Variants in KDM4C observed in about 807,000 individuals in gnomAD.
KDM4C encodes lysine-specific demethylase 4C.
Under a neutral mutation model 129.3 loss-of-function variants are expected in KDM4C, and 81 were observed. The ratio of observed to expected loss-of-function variants is 0.63; its 90% CI spans 0.52 to 0.75. The LOEUF is 0.75. Among genes scored for constraint, KDM4C ranks in the 30% least tolerant of loss-of-function variants. The pLI, the probability that KDM4C is intolerant of heterozygous loss-of-function variation, is 0.00. For missense variants in KDM4C, 1,457 were observed against 1,304.0 expected, an observed-to-expected ratio of 1.12 and a Z score of -1.81; for synonymous variants, 573 against 456.1, an observed-to-expected ratio of 1.26 and a Z score of -3.26.
chr9:7,056,587 C>T (rs1385299280), intron 17 of KDM4C, among the ~76,000 whole-genome samples: 1 of 152,148 alleles, frequency 6.6e-6, no homozygotes, highest in African/African-American at 2.4e-5. Flanking sequence ...TATCTTGTTA[C>T]TATGGATTTT....
intron 15 of KDM4C, among the ~76,000 whole-genome samples, chr9:7,029,646 T>G (rs917621538): frequency 6.6e-6 from 1 of 152,124 alleles, no homozygotes; most frequent in Non-Finnish European, 1.5e-5. Context: ...ATTTTTTAAT[T>G]TGGGGGACAG....
chr9:7,056,406 C>A (rs1403644164), intron 17 of KDM4C, among the ~76,000 whole-genome samples: 1 of 151,184 alleles, frequency 6.6e-6, no homozygotes, highest in African/African-American at 2.4e-5. Context: ...GAATGATTTG[C>A]TACAGGGACT....
chr9:6,803,056 A>C (rs1564043928), intron 2 of KDM4C, among the ~76,000 whole-genome samples: 1 of 152,228 alleles, frequency 6.6e-6, no homozygotes, highest in Non-Finnish European at 1.5e-5. Flanking sequence ...CCCAGCAATG[A>C]AGTCATTGCC....
intron 17 of KDM4C, among the ~76,000 whole-genome samples, chr9:7,080,483 C>G (rs1834403430): frequency 6.6e-6 from 1 of 152,142 alleles, no homozygotes; most frequent in Non-Finnish European, 1.5e-5. Flanking sequence ...GATTGTTTCT[C>G]TTAGAATTCA....
intron 17 of KDM4C, among the ~76,000 whole-genome samples, chr9:7,060,066 A>G (rs748681523): frequency 2.6e-5 from 4 of 152,150 alleles, no homozygotes; most frequent in Non-Finnish European, 4.4e-5. Context: ...TCTTCAATCC[A>G]GTGTTCTCAC....
At chr9:6,887,548 A>G (rs570476361) in intron 6 of KDM4C, among the ~76,000 whole-genome samples, 1 of 152,318 alleles carries the variant, frequency 6.6e-6, no homozygotes, top group South Asian at 2.1e-4. Flanking sequence ...TGCTTCAGGA[A>G]TGCATACTTA....
intron 1 of KDM4C, among the ~76,000 whole-genome samples, chr9:6,735,694 T>C (rs1429864814): frequency 6.6e-6 from 1 of 152,218 alleles, no homozygotes; most frequent in Non-Finnish European, 1.5e-5. Flanking sequence ...GTAAGTTCAT[T>C]AAACCTCTTT....
intron 18 of KDM4C, among the ~76,000 whole-genome samples, chr9:7,112,194 T>A (rs1838400831): frequency 6.6e-6 from 1 of 152,168 alleles, no homozygotes; most frequent in African/African-American, 2.4e-5. Context: ...CGACTTTCCT[T>A]CATCCATGTT....
At chr9:7,080,509 A>C (rs896508813) in intron 17 of KDM4C, among the ~76,000 whole-genome samples, 1 of 152,208 alleles carries the variant, frequency 6.6e-6, no homozygotes, top group East Asian at 1.9e-4. Flanking sequence ...GAAATGCTTG[A>C]TATGGGAATG....
At chr9:7,063,214 T>A (rs4742297) in intron 17 of KDM4C, among the ~76,000 whole-genome samples, 1 of 151,972 alleles carries the variant, frequency 6.6e-6, no homozygotes, top group Non-Finnish European at 1.5e-5. Context: ...AAATTCTAAT[T>A]GCTTTCAGTT....
chr9:6,786,210 A>G (rs1825459561), intron 1 of KDM4C, among the ~76,000 whole-genome samples: 1 of 152,230 alleles, frequency 6.6e-6, no homozygotes, highest in African/African-American at 2.4e-5. Flanking sequence ...GCCGGAAAGC[A>G]TCAGACTTGG....
At chr9:6,956,768 A>G (rs1351103748) in intron 8 of KDM4C, among the ~76,000 whole-genome samples, 3 of 152,192 alleles carry the variant, frequency 2.0e-5, no homozygotes, top group Admixed American at 6.5e-5. Flanking sequence ...TTGTCTGTGC[A>G]GCTTAGGTGA....
chr9:6,866,210 T>G (rs548307003), intron 5 of KDM4C, among the ~76,000 whole-genome samples: 2 of 152,094 alleles, frequency 1.3e-5, no homozygotes, highest in East Asian at 3.9e-4. Flanking sequence ...TACTATTAAA[T>G]ATGTCTACTT....
chr9:6,868,643 T>C (rs1344879910), intron 5 of KDM4C, among the ~76,000 whole-genome samples: 1 of 152,176 alleles, frequency 6.6e-6, no homozygotes, highest in African/African-American at 2.4e-5. Flanking sequence ...GTTTAGGGAA[T>C]ACTGACCAGA....
chr9:7,075,062 A>G (rs561149085), intron 17 of KDM4C, among the ~76,000 whole-genome samples: 8 of 152,272 alleles, frequency 5.3e-5, no homozygotes, highest in South Asian at 2.1e-4. Flanking sequence ...AAGTAGGGAT[A>G]TGAAACAACT....
At chr9:7,044,416 G>C (rs536841287) in intron 15 of KDM4C, among the ~76,000 whole-genome samples, 87 of 151,992 alleles carry the variant, frequency 5.7e-4, no homozygotes, top group African/African-American at 1.7e-3. Flanking sequence ...CTCTCATGGG[G>C]TTCAGAGTAG....
intron 17 of KDM4C, among the ~76,000 whole-genome samples, chr9:7,053,102 G>T (rs554628196): frequency 1.3e-5 from 2 of 152,238 alleles, no homozygotes; most frequent in South Asian, 4.1e-4. Context: ...ACTGCAAGAG[G>T]CTAATAGAAT....
chr9:6,751,936 C>T (rs1005986912), intron 1 of KDM4C, among the ~76,000 whole-genome samples: 2 of 152,134 alleles, frequency 1.3e-5, no homozygotes, highest in African/African-American at 4.8e-5. Flanking sequence ...TACAAGGCAA[C>T]ATTTTGTTCT....
rs146804033 is a variant in KDM4C, at chr9:7,055,263, G to A, written c.2424+6063G>A. 3.8e-3 allele frequency among the ~76,000 whole-genome samples: 586 copies of A among 152,272 alleles called. 5 individuals carry two copies. Among genetic ancestry groups the A allele is most frequent in the Non-Finnish European group, 4.6e-3 (316 of 68,014 alleles). ...ACAGTGGTGTAGCACAGTGCCTTTGGTTTCTATGTCTTTAGACCTTTCTAG... is the reference window on the plus strand; with the variant it reads ...ACAGTGGTGTAGCACAGTGCCTTTGATTTCTATGTCTTTAGACCTTTCTAG... On this transcript the variant is annotated intron_variant, in intron 17 of 21. Coordinates refer to ENST00000381309, the MANE Select transcript of KDM4C (RefSeq NM_015061.6).
Sources: allele counts gnomAD v4.1 joint callset (sites outside exome capture counted in the v4.1 genomes callset), GRCh38; gene constraint gnomAD v4.1.1; transcripts MANE v1.5; gene names NCBI Gene and HGNC (gene_info 2026-07-23, HGNC 2026-07-21).